SERINC5: variants seen among roughly 807,000 people sequenced by gnomAD.
SERINC5 encodes the protein chromosome 5 open reading frame 12.
A neutral mutation model predicts 63.1 loss-of-function variants in SERINC5; 41 were observed. The observed-to-expected ratio is 0.65, with a 90% CI of 0.51 to 0.84. SERINC5 has a LOEUF of 0.84. SERINC5 is among the 40% of genes least tolerant of loss of function. SERINC5 has a pLI of 0.00. For synonymous variants in SERINC5, 222 were observed against 215.2 expected (o/e 1.03, Z -0.28); for missense variants, 523 against 573.0 (o/e 0.91, Z 0.89).
chr5:80,143,148 T>G lies in SERINC5; in HGVS notation c.*515A>C. On this transcript the variant is annotated 3_prime_UTR_variant, in exon 12 of 12. Coordinates refer to ENST00000507668, the MANE Select transcript of SERINC5 (RefSeq NM_001174072.3). ...GTGCAGTTGAAAAGCAGGTGCCTCC[T>G]CTTGGACCCTATAAATACCAGGGGC... 1 of 986,070 alleles carries G rather than the reference T, an allele frequency of 1.0e-6. No individual in the cohort carries two copies. The highest frequency in any genetic ancestry group is 1.2e-6 in the Non-Finnish European group (1 of 830,446). The allele number at this position is 986,070 out of a possible 1,614,324, so 61.1% of individuals were successfully genotyped here.
chr5:80,212,168 T>C (rs7725631), intron 1 of SERINC5, among the ~76,000 whole-genome samples: 8,032 of 152,220 alleles, frequency 0.053, 429 homozygotes, highest in African/African-American at 0.14. Flanking sequence ...AAGTTTTCTG[T>C]GAGCTACAAA....
intron 1 of SERINC5, among the ~76,000 whole-genome samples, chr5:80,209,765 C>T (rs767899767): frequency 1.7e-4 from 26 of 152,098 alleles, no homozygotes; most frequent in Non-Finnish European, 3.1e-4. Context: ...GTAAACGGCG[C>T]GTGGTGGCTC....
At chr5:80,181,209 G>T (rs970691598) in intron 2 of SERINC5, among the ~76,000 whole-genome samples, 4 of 152,070 alleles carry the variant, frequency 2.6e-5, no homozygotes, top group African/African-American at 9.7e-5. Flanking sequence ...TCCTGAGAGG[G>T]TTTATTTTCC....
At chr5:80,253,698 C>T (rs1221903416) in intron 1 of SERINC5, among the ~76,000 whole-genome samples, 1 of 152,186 alleles carries the variant, frequency 6.6e-6, no homozygotes, top group Admixed American at 6.5e-5. Flanking sequence ...ACTCCCTCGG[C>T]AACCCTCCTC....
chr5:80,147,196 T>C (rs767469267), intron 10 of SERINC5, 49 bp downstream of exon 10: 6 of 1,515,410 alleles, frequency 4.0e-6, no homozygotes, highest in Non-Finnish European at 5.4e-6. Context: ...ATTAGAGTTA[T>C]AGGTCTGCAG....
At chr5:80,147,563 T>C (rs1386580698) in intron 9 of SERINC5, among the ~76,000 whole-genome samples, 1 of 152,144 alleles carries the variant, frequency 6.6e-6, no homozygotes, top group Non-Finnish European at 1.5e-5. Context: ...GTAACTGCCA[T>C]GGAATGGCTG....
At chr5:80,230,073 G>A (rs772518367) in intron 1 of SERINC5, among the ~76,000 whole-genome samples, 3 of 152,014 alleles carry the variant, frequency 2.0e-5, no homozygotes, top group Non-Finnish European at 2.9e-5. Flanking sequence ...AAATTCCCAG[G>A]GCAGAAGGAA....
chr5:80,140,726 C>T lies in SERINC5; in HGVS notation c.*2937G>A. 3.0e-6 allele frequency: 3 copies of T among 985,322 alleles called. No individual in the cohort carries two copies. Among genetic ancestry groups the T allele is most frequent in the Non-Finnish European group, 3.6e-6 (3 of 829,910 alleles). 61.0% of individuals were successfully genotyped at this position (985,322 alleles called of 1,614,324 possible). On this transcript the variant is annotated 3_prime_UTR_variant, in exon 12 of 12. Transcript: ENST00000507668. ...GGTATGACACTCCCATAAGAACCCC[C>T]ACCCCCCTGCCACCCACTTAGTGTT...
chr5:80,225,616 GGT>G (rs1751133317), intron 1 of SERINC5, among the ~76,000 whole-genome samples: 1 of 152,198 alleles, frequency 6.6e-6, no homozygotes, highest in Admixed American at 6.5e-5. Context: ...AAGCCTTGAT[GGT>G]GCTGACAGAG....
downstream of SERINC5, among the ~76,000 whole-genome samples, chr5:80,136,220 C>A (rs1045715039): frequency 6.6e-6 from 1 of 152,062 alleles, no homozygotes. Context: ...GAGTTGGAGG[C>A]TGCAGTGAGC....
At chr5:80,157,141 T>C (rs1746591493) in intron 8 of SERINC5, 1 of 151,798 alleles carries the variant, frequency 6.6e-6, no homozygotes, top group Non-Finnish European at 1.5e-5. Context: ...TACAGGTGCA[T>C]ACCACCACAC....
chr5:80,116,712 G>C (rs2112223637), intron 11 of SERINC5, among the ~76,000 whole-genome samples: 1 of 152,148 alleles, frequency 6.6e-6, no homozygotes, highest in East Asian at 1.9e-4. Context: ...CATCCACAGA[G>C]GCAGGCTGCT....
At position 80,112,856 on chromosome 5, in the gene SERINC5, C is replaced by T. The variant is rs577674568; in HGVS notation, c.*29+716G>A. The stretch of plus-strand genomic sequence containing the variant: ...GTGCACACCTGTAGTCACAGGTGCT[C>T]GAGAGGCTGAGGTGGGAGAATCAGT... On this transcript the variant is annotated intron_variant, in intron 12 of 12. Coordinates refer to the SERINC5 transcript ENST00000509193. Among the ~76,000 whole-genome samples the T allele has an allele frequency of 5.2e-3, 789 of 152,104 alleles. 10 individuals carry two copies. Among genetic ancestry groups the T allele is most frequent in the African/African-American group, 0.018 (744 of 41,482 alleles).
At chr5:80,185,970 TC>T (rs1032699224) in intron 2 of SERINC5, among the ~76,000 whole-genome samples, 8 of 151,814 alleles carry the variant, frequency 5.3e-5, no homozygotes, top group African/African-American at 1.9e-4. Flanking sequence ...AAAAATAATT[TC>T]GGGGAAGAGA....
chr5:80,174,337 G>C (rs13165831), intron 5 of SERINC5, among the ~76,000 whole-genome samples: 5 of 147,686 alleles, frequency 3.4e-5, no homozygotes, highest in Non-Finnish European at 7.4e-5. Flanking sequence ...ACTGCACTCC[G>C]GCCTGAATGA....
intron 7 of SERINC5, among the ~76,000 whole-genome samples, chr5:80,165,287 A>G (rs1132801): frequency 0.23 from 34,327 of 151,980 alleles, 5,091 homozygotes; most frequent in African/African-American, 0.42. Flanking sequence ...ACAAGGACAA[A>G]CCCATAAATA....
chr5:80,156,993 CTTTTTTTTT>C (rs376131718), intron 8 of SERINC5: 5 of 124,692 alleles, frequency 4.0e-5, no homozygotes, highest in Admixed American at 8.6e-5. Context: ...TTTTTTTTTT[CTTTTTTTTT>C]TTTTTTTTTG....
At position 80,254,515 on chromosome 5, in the gene SERINC5, A is replaced by C. The variant is rs1445472495; in HGVS notation, c.27+1381T>G. ...AAGAGCCTCAAGGGGACTTCAAGGG[A>C]CCAGGACAGATGCCCCTAAAGAGCT... On this transcript the variant is annotated intron_variant, in intron 1 of 11. Transcript: ENST00000507668. Among the ~76,000 whole-genome samples the C allele has an allele frequency of 2.0e-5, 3 of 152,238 alleles. No homozygotes were observed. The East Asian group carries it at 5.8e-4, about 29-fold the overall frequency.
chr5:80,251,643 T>C (rs1242675681), intron 1 of SERINC5, among the ~76,000 whole-genome samples: 1 of 150,768 alleles, frequency 6.6e-6, no homozygotes, highest in Non-Finnish European at 1.5e-5. Context: ...GGCAGGAGAA[T>C]CGCTTGGACC....
Sources: gnomAD v4.1 joint callset for allele counts (sites outside exome capture counted in the v4.1 genomes callset) on GRCh38, gnomAD v4.1.1 for gene constraint, MANE v1.5 for transcripts, NCBI Gene and HGNC (gene_info 2026-07-23, HGNC 2026-07-21) for gene names.